GALNTL6: variants seen among roughly 807,000 people sequenced by gnomAD.
GALNTL6 encodes the protein polypeptide N-acetylgalactosaminyltransferase like 6.
GALNTL6 carries 46 observed loss-of-function variants against 73.7 expected under a neutral mutation model. The ratio of observed to expected loss-of-function variants is 0.62; its 90% CI spans 0.49 to 0.80. The LOEUF (loss-of-function observed/expected upper bound fraction) is 0.80, where lower values mean the gene tolerates loss of function less well. Among genes scored for constraint, GALNTL6 ranks in the 30% least tolerant of loss-of-function variants. GALNTL6 has a pLI of 0.00. For missense variants in GALNTL6, 604 were observed against 755.0 expected, an observed-to-expected ratio of 0.80 and a Z score of 2.34; for synonymous variants, 259 against 263.7, an observed-to-expected ratio of 0.98 and a Z score of 0.17.
intron 5 of GALNTL6, among the ~76,000 whole-genome samples, chr4:172,699,482 A>G (rs985967610): frequency 2.6e-5 from 4 of 152,202 alleles, no homozygotes; most frequent in African/African-American, 4.8e-5. Flanking sequence ...AAATGAGTTT[A>G]TTTTATAAAT....
At chr4:172,758,946 A>G (rs1333785560) in intron 5 of GALNTL6, among the ~76,000 whole-genome samples, 1 of 152,220 alleles carries the variant, frequency 6.6e-6, no homozygotes, top group African/African-American at 2.4e-5. Context: ...TTGTAGTACA[A>G]TGCATTTTAT....
chr4:172,311,803 T>G, intron 4 of GALNTL6, 51 bp downstream of exon 4: 1 of 1,320,384 alleles, frequency 7.6e-7, no homozygotes, highest in Non-Finnish European at 1.0e-6. Context: ...GTTTTTTTTG[T>G]CCTTTGATTT....
chr4:172,074,006 C>T (rs982308005), intron 2 of GALNTL6, among the ~76,000 whole-genome samples: 1 of 152,168 alleles, frequency 6.6e-6, no homozygotes, highest in African/African-American at 2.4e-5. Context: ...TCCTTAACTT[C>T]CCCTTATCTC....
intron 2 of GALNTL6, among the ~76,000 whole-genome samples, chr4:171,828,999 T>G (rs1734896285): frequency 6.6e-6 from 1 of 152,190 alleles, no homozygotes. Context: ...GAGTATATAA[T>G]GCACATAACA....
chr4:173,010,652 T>A (rs1222878242), intron 11 of GALNTL6, among the ~76,000 whole-genome samples: 2 of 152,066 alleles, frequency 1.3e-5, no homozygotes, highest in African/African-American at 4.8e-5. Flanking sequence ...TGGAGTGCAG[T>A]GGCGCAATCT....
chr4:172,265,192 C>A (rs537183878), intron 3 of GALNTL6, among the ~76,000 whole-genome samples: 1 of 151,876 alleles, frequency 6.6e-6, no homozygotes, highest in African/African-American at 2.4e-5. Context: ...GATTTCAAGG[C>A]GCAACCGTGA....
chr4:172,114,141 T>A (rs1455345390), intron 2 of GALNTL6, among the ~76,000 whole-genome samples: 1 of 152,110 alleles, frequency 6.6e-6, no homozygotes, highest in African/African-American at 2.4e-5. Context: ...CTCTTCATAA[T>A]TTGAATGCAG....
chr4:172,847,349 C>T (rs546261872), intron 7 of GALNTL6, among the ~76,000 whole-genome samples: 1 of 152,196 alleles, frequency 6.6e-6, no homozygotes, highest in Admixed American at 6.5e-5. Context: ...TTATAGAGCC[C>T]TCTTTTTAAA....
chr4:172,917,954 G>A (rs1747607567), intron 8 of GALNTL6, among the ~76,000 whole-genome samples: 1 of 152,220 alleles, frequency 6.6e-6, no homozygotes, highest in Non-Finnish European at 1.5e-5. Flanking sequence ...GCACACATAT[G>A]TTTATTGTGG....
chr4:171,866,365 T>C (rs925439347), intron 2 of GALNTL6, among the ~76,000 whole-genome samples: 29 of 152,230 alleles, frequency 1.9e-4, no homozygotes, highest in Admixed American at 1.8e-3. Context: ...TTAGAGTCAA[T>C]ATTACAGTGA....
rs185995130 is a variant in GALNTL6 at position 172,005,090 on chromosome 4, C to A, written c.138+190372C>A. Among the ~76,000 whole-genome samples, 596 of 148,106 alleles carry A rather than the reference C, an allele frequency of 4.0e-3. 6 individuals carry two copies. The highest frequency in any genetic ancestry group is 0.014 in the African/African-American group (560 of 40,648). On this transcript the variant is annotated intron_variant, in intron 2 of 12. Transcript: ENST00000506823. Reference sequence around the variant, plus strand: ...GTGGAGTTCTTTCTATTAGAAATAGCTTCTCTTAAAAAGCTTTTATTTTAT... The same window carrying A: ...GTGGAGTTCTTTCTATTAGAAATAGATTCTCTTAAAAAGCTTTTATTTTAT...
intron 2 of GALNTL6, among the ~76,000 whole-genome samples, chr4:172,177,745 GTATA>G (rs765550820): frequency 6.3e-5 from 4 of 63,512 alleles, no homozygotes; most frequent in African/African-American, 2.4e-4. Context: ...ATACACATGT[GTATA>G]TATATGTGTG....
intron 10 of GALNTL6, among the ~76,000 whole-genome samples, chr4:172,980,525 G>T (rs911919978): frequency 6.6e-6 from 1 of 152,200 alleles, no homozygotes; most frequent in African/African-American, 2.4e-5. Flanking sequence ...GGAATTCTGA[G>T]ATCAGGATGC....
intron 2 of GALNTL6, among the ~76,000 whole-genome samples, chr4:171,936,356 T>C (rs1261095923): frequency 1.3e-5 from 2 of 151,994 alleles, no homozygotes; most frequent in African/African-American, 2.4e-5. Context: ...TAGAAGCTAT[T>C]TTTTTTTCTT....
At chr4:171,990,939 A>G (rs1740314223) in intron 2 of GALNTL6, among the ~76,000 whole-genome samples, 2 of 152,180 alleles carry the variant, frequency 1.3e-5, no homozygotes, top group African/African-American at 4.8e-5. Flanking sequence ...GCAATACAAG[A>G]AGAAAATAAA....
intron 2 of GALNTL6, among the ~76,000 whole-genome samples, chr4:172,016,377 T>C (rs2110790857): frequency 6.6e-6 from 1 of 152,248 alleles, no homozygotes; most frequent in South Asian, 2.1e-4. Context: ...CCACTGCATT[T>C]TGTATTTCCC....
intron 2 of GALNTL6, among the ~76,000 whole-genome samples, chr4:172,071,483 A>T (rs1731532940): frequency 9.0e-6 from 1 of 111,174 alleles, no homozygotes; most frequent in Non-Finnish European, 2.0e-5. Flanking sequence ...CAATGTCACA[A>T]AAAACAAAGC....
At chr4:172,384,686 G>C (rs942593960) in intron 5 of GALNTL6, among the ~76,000 whole-genome samples, 1 of 151,914 alleles carries the variant, frequency 6.6e-6, no homozygotes, top group African/African-American at 2.4e-5. Context: ...TGGAAGGTTA[G>C]GTTATTGATT....
chr4:172,751,368 C>T (rs1737412026), intron 5 of GALNTL6, among the ~76,000 whole-genome samples: 1 of 152,158 alleles, frequency 6.6e-6, no homozygotes, highest in Admixed American at 6.5e-5. Context: ...GGTGGGTAAC[C>T]ATGGCCTTAA....
Sources: gnomAD v4.1 joint callset for allele counts (sites outside exome capture counted in the v4.1 genomes callset) on GRCh38, gnomAD v4.1.1 for gene constraint, MANE v1.5 for transcripts, NCBI Gene and HGNC (gene_info 2026-07-23, HGNC 2026-07-21) for gene names.